ANO4: variants seen among roughly 807,000 people sequenced by gnomAD.
ANO4 encodes the protein anoctamin 4, also known as anoctamin-4.
In ANO4, 69 loss-of-function variants were observed where a neutral mutation model predicts 141.9. The ratio of observed to expected loss-of-function variants is 0.49; its 90% CI spans 0.40 to 0.59. The LOEUF (loss-of-function observed/expected upper bound fraction) is 0.59. Ranked by LOEUF, ANO4 falls within the 20% of genes least tolerant of loss-of-function variation. The probability of loss-of-function intolerance (pLI) is 0.00; values close to 1 mark genes in which losing one functional copy is unlikely to be tolerated. For missense variants in ANO4, 894 were observed against 1,162.2 expected, an observed-to-expected ratio of 0.77 and a Z score of 3.36; for synonymous variants, 350 against 394.3, an observed-to-expected ratio of 0.89 and a Z score of 1.33.
At chr12:100,753,821 T>C (rs1392987407) in intron 3 of ANO4, among the ~76,000 whole-genome samples, 1 of 152,218 alleles carries the variant, frequency 6.6e-6, no homozygotes, top group Non-Finnish European at 1.5e-5. Context: ...TTCCGACTTT[T>C]CCCCTAATAT....
intron 1 of ANO4, among the ~76,000 whole-genome samples, chr12:100,847,909 A>G (rs2037658745): frequency 6.6e-6 from 1 of 152,194 alleles, no homozygotes; most frequent in Admixed American, 6.5e-5. Flanking sequence ...GCCACTTCTC[A>G]TTTTGCCTCA....
chr12:100,853,318 ATTG>A (rs985040820), intron 1 of ANO4, among the ~76,000 whole-genome samples: 3 of 152,076 alleles, frequency 2.0e-5, no homozygotes, highest in Non-Finnish European at 4.4e-5. Flanking sequence ...CCATTCTTTT[ATTG>A]TTAAGTACAT....
chr12:100,736,423 A>G (rs1488941981), intron 2 of ANO4, among the ~76,000 whole-genome samples: 1 of 152,134 alleles, frequency 6.6e-6, no homozygotes, highest in East Asian at 1.9e-4. Flanking sequence ...TGAGAGGGTA[A>G]AGAATTGCCT....
intron 1 of ANO4, among the ~76,000 whole-genome samples, chr12:100,721,611 C>T (rs7972028): frequency 0.15 from 22,166 of 152,148 alleles, 2,035 homozygotes; most frequent in Non-Finnish European, 0.21. Flanking sequence ...TACCCAGTCA[C>T]CCTGGAATCC....
chr12:100,881,581 C>G (rs1021179660), intron 1 of ANO4, among the ~76,000 whole-genome samples: 7 of 152,112 alleles, frequency 4.6e-5, no homozygotes, highest in Non-Finnish European at 1.0e-4. Flanking sequence ...GAGGCCAGAT[C>G]TGAGTTTAGT....
Position 101,077,236 on chromosome 12 carries a change from A to T in ANO4, c.1313-1957A>T, listed in dbSNP as rs145728746. 3.7e-3 allele frequency among the ~76,000 whole-genome samples: 567 copies of T among 152,276 alleles called. 6 individuals are homozygous for T. The highest frequency in any genetic ancestry group is 0.013 in the African/African-American group (534 of 41,562). ...CATGTGTTGTCACAGCTCATTGGGG[A>T]GGAATTAAGTACATCCTGTGTGACT... On this transcript the variant is annotated intron_variant, in intron 14 of 27. Coordinates refer to ENST00000392977, the MANE Select transcript of ANO4 (RefSeq NM_001286615.2).
intron 1 of ANO4, among the ~76,000 whole-genome samples, chr12:100,808,172 A>T (rs1446020943): frequency 6.6e-6 from 1 of 152,008 alleles, no homozygotes. Context: ...ACTAATTGAC[A>T]CTCCCATCAA....
chr12:100,923,725 A>G (rs2041741814), intron 3 of ANO4, among the ~76,000 whole-genome samples: 1 of 152,236 alleles, frequency 6.6e-6, no homozygotes. Context: ...GTCTTCCACA[A>G]TTGTTGAACT....
At chr12:100,793,609 A>G (rs2034136859), upstream of ANO4, among the ~76,000 whole-genome samples, 1 of 152,144 alleles carries the variant, frequency 6.6e-6, no homozygotes, top group Non-Finnish European at 1.5e-5. Flanking sequence ...GGGCATTTGT[A>G]TATTCCTGTT....
chr12:100,838,651 G>A (rs1005796031), intron 1 of ANO4, among the ~76,000 whole-genome samples: 1 of 152,064 alleles, frequency 6.6e-6, no homozygotes, highest in Non-Finnish European at 1.5e-5. Flanking sequence ...AGAGGAAGGT[G>A]GAAAATAAAG....
chr12:101,093,720 G>A (rs186892369), intron 17 of ANO4, among the ~76,000 whole-genome samples: 3 of 152,192 alleles, frequency 2.0e-5, no homozygotes, highest in Admixed American at 6.5e-5. Context: ...TTAAGGATGC[G>A]TGAGTTAAGG....
intron 14 of ANO4, among the ~76,000 whole-genome samples, chr12:101,058,056 G>A (rs1413846789): frequency 2.6e-5 from 4 of 152,064 alleles, no homozygotes; most frequent in Non-Finnish European, 5.9e-5. Flanking sequence ...GTAAGGAAGG[G>A]GTCCAATTTC....
chr12:100,780,357 A>G (rs1049926641), intron 3 of ANO4, among the ~76,000 whole-genome samples: 1 of 152,162 alleles, frequency 6.6e-6, no homozygotes, highest in Admixed American at 6.5e-5. Context: ...TGCTCCACAG[A>G]CAGAGCAGGG....
chr12:101,054,112 G>A lies in ANO4; in HGVS notation c.1312+5711G>A, dbSNP rs145768700. Among the ~76,000 whole-genome samples the A allele has an allele frequency of 2.3e-3, 345 of 152,288 alleles. 3 individuals are homozygous for A. The highest frequency in any genetic ancestry group is 7.7e-3 in the African/African-American group (319 of 41,566). On this transcript the variant is annotated intron_variant, in intron 14 of 27. Coordinates refer to ENST00000392977, the MANE Select transcript of ANO4 (RefSeq NM_001286615.2). ...CGTGTAAAATGTTTTCCTAGCTTTA[G>A]TTATTTATAATATGCAAAATTTGTG...
intron 14 of ANO4, among the ~76,000 whole-genome samples, chr12:101,058,637 G>C (rs540689025): frequency 6.6e-6 from 1 of 152,228 alleles, no homozygotes; most frequent in African/African-American, 2.4e-5. Context: ...GTGAATGGGA[G>C]TTCATTCATG....
At chr12:100,875,650 G>C (rs1444161561) in intron 1 of ANO4, among the ~76,000 whole-genome samples, 5 of 152,174 alleles carry the variant, frequency 3.3e-5, no homozygotes. Flanking sequence ...AGCCAGAGTG[G>C]AGACAGTAGA....
chr12:101,061,517 C>T (rs547357555), intron 14 of ANO4, among the ~76,000 whole-genome samples: 3 of 152,004 alleles, frequency 2.0e-5, no homozygotes, highest in African/African-American at 7.2e-5. Flanking sequence ...TTCAGGTACA[C>T]CAATCAAATG....
intron 3 of ANO4, among the ~76,000 whole-genome samples, chr12:100,926,014 A>G (rs1253602604): frequency 6.6e-6 from 1 of 152,102 alleles, no homozygotes; most frequent in Admixed American, 6.6e-5. Context: ...AAGTAATAAT[A>G]GATAAGATTT....
intron 2 of ANO4, among the ~76,000 whole-genome samples, chr12:100,918,535 A>G (rs1394100393): frequency 2.0e-5 from 3 of 152,296 alleles, no homozygotes; most frequent in Middle Eastern, 3.4e-3. Context: ...GATGGACCAC[A>G]TAAACCATGG....
Sources: gnomAD v4.1 joint callset for allele counts (sites outside exome capture counted in the v4.1 genomes callset) on GRCh38, gnomAD v4.1.1 for gene constraint, MANE v1.5 for transcripts, NCBI Gene and HGNC (gene_info 2026-07-23, HGNC 2026-07-21) for gene names.